The following CYTH2 variants were observed in gnomAD, a reference collection of about 807,000 sequenced individuals.
The protein encoded by CYTH2 is cytohesin 2, also known as cytohesin-2.
CYTH2 carries 24 observed loss-of-function variants against 55.4 expected under a neutral mutation model. The ratio of observed to expected loss-of-function variants is 0.43; its 90% CI spans 0.31 to 0.61. The LOEUF is 0.61. Among genes scored for constraint, CYTH2 ranks in the 20% least tolerant of loss-of-function variants. CYTH2 has a pLI of 0.08. For synonymous variants in CYTH2, 221 were observed against 209.6 expected, an observed-to-expected ratio of 1.05 and a Z score of -0.47; for missense variants, 378 against 533.5, an observed-to-expected ratio of 0.71 and a Z score of 2.87.
At chr19:48,469,857 G>C in intron 1 of CYTH2, 1 of 568,066 alleles carries the variant, frequency 1.8e-6, no homozygotes, top group Non-Finnish European at 3.3e-6. Flanking sequence ...CTTGGGTTGC[G>C]GGGAGGGGAG....
In CYTH2 at chr19:48,470,376, G is replaced by T; in HGVS notation, c.43G>T (p.Glu15Ter). 6.2e-7 allele frequency: 1 copy of T among 1,613,296 alleles called. No homozygotes were observed. Among genetic ancestry groups the T allele is most frequent in the Non-Finnish European group, 8.5e-7 (1 of 1,179,638 alleles). Reference sequence around the variant, plus strand: ...AGAACCCCCAGACCTGACTCCGGAGGAGCGGATGGAGCTGGAGAACATCCG... The same window carrying T: ...AGAACCCCCAGACCTGACTCCGGAGTAGCGGATGGAGCTGGAGAACATCCG... ...VYEPPDLTPE[E>*]RMELENIRRR... The change falls in exon 2 of 12, where the codon GAG (glutamate) becomes TAG (stop). Residue 15 changes from glutamate to a stop codon, truncating the protein, a stop_gained. Transcript: ENST00000452733. LOFTEE classifies it high-confidence loss of function.
Position 48,472,306 on chromosome 19 carries a change from C to T in CYTH2, c.235-19C>T. 1 of 1,612,444 alleles carries T rather than the reference C, an allele frequency of 6.2e-7. No individual in the cohort carries two copies. Among genetic ancestry groups the T allele is most frequent in the African/African-American group, 1.3e-5 (1 of 74,956 alleles). ...GGCTTTCTGGCCCTCAGCACTGAGA[C>T]CTTGTCCCCACCCACCAGGGGATCC... On this transcript the variant is annotated intron_variant, in intron 3 of 11. Coordinates refer to ENST00000452733, the MANE Select transcript of CYTH2 (RefSeq NM_004228.7).
In CYTH2 at chr19:48,478,068, G is replaced by T. The variant is rs1339365648; in HGVS notation, c.809-1G>T. On this transcript the variant is annotated splice_acceptor_variant, in intron 8 of 11. Coordinates refer to ENST00000452733, the MANE Select transcript of CYTH2 (RefSeq NM_004228.7). LOFTEE classifies it high-confidence loss of function. ...GCCCCCTCCCACCCCTTCCCTTTCA[G>T]GGGGCCGGGTGAAGACGTGGAAGCG... 2 of 1,613,832 alleles carry T rather than the reference G, an allele frequency of 1.2e-6. No homozygotes were observed. The highest frequency in any genetic ancestry group is 3.3e-5 in the Admixed American group (2 of 60,010).
At position 48,473,298 on chromosome 19, in the gene CYTH2, G is replaced by A. The variant is rs1971841529; in HGVS notation, c.354G>A (p.Arg118=). 6.2e-7 allele frequency: 1 copy of A among 1,614,006 alleles called. No homozygotes were observed. The highest frequency in any genetic ancestry group is 8.5e-7 in the Non-Finnish European group (1 of 1,179,948). The stretch of plus-strand genomic sequence containing the variant: ...ATGTGTCTTTGTCCCATCCTTCCAG[G>A]GAAGAACTGAACCTGGCAGTGCTCC... ...KTAIGDYLGE[R]EELNLAVLHA... The change falls in exon 5 of 12, where the codon AGG becomes AGA. Residue 118 remains arginine, a splice_region_variant and synonymous_variant. Coordinates refer to ENST00000452733, the MANE Select transcript of CYTH2 (RefSeq NM_004228.7).
At position 48,478,311 on chromosome 19, in the gene CYTH2, C is replaced by G. The variant is rs775487247; in HGVS notation, c.922C>G (p.Leu308Val). ...EPRGIIPLEN[L>V]SIREVDDPRK... Reference sequence around the variant, plus strand: ...CCGAGGAATCATCCCCCTGGAGAATCTGAGCATCCGAGAGGTGGACGACCC... The same window carrying G: ...CCGAGGAATCATCCCCCTGGAGAATGTGAGCATCCGAGAGGTGGACGACCC... Residue 308 changes from leucine to valine, a missense_variant, in exon 10 of 12, where the codon CTG (leucine) becomes GTG (valine). Leu to Val is a conservative substitution (Grantham distance 32, BLOSUM62 1). Coordinates refer to ENST00000452733, the MANE Select transcript of CYTH2 (RefSeq NM_004228.7). 6.2e-7 allele frequency: 1 copy of G among 1,614,056 alleles called. No individual in the cohort carries two copies. The highest frequency in any genetic ancestry group is 8.5e-7 in the Non-Finnish European group (1 of 1,180,006).
At chr19:48,472,507 C>T (rs1370653873) in intron 4 of CYTH2, 64 bp downstream of exon 4, 1 of 1,325,958 alleles carries the variant, frequency 7.5e-7, no homozygotes, top group Non-Finnish European at 1.1e-6. Flanking sequence ...AGCTCCTGCC[C>T]TCACACTGGC....
intron 4 of CYTH2, 72 bp downstream of exon 4, chr19:48,472,515 G>A (rs1451075717): frequency 8.1e-7 from 1 of 1,239,162 alleles, no homozygotes; most frequent in East Asian, 2.6e-5. Flanking sequence ...CCCTCACACT[G>A]GCAGCTCACA....
In CYTH2 at chr19:48,474,747, C is replaced by G; in HGVS notation, c.697-91C>G. 2 of 1,074,038 alleles carry G rather than the reference C, an allele frequency of 1.9e-6. No homozygotes were observed. The highest frequency in any genetic ancestry group is 2.8e-6 in the Non-Finnish European group (2 of 701,964). 66.5% of individuals were successfully genotyped at this position (1,074,038 alleles called of 1,614,324 possible). A position where few individuals can be genotyped will look rare whatever the true frequency, so the allele number is the denominator to read the frequency against. ...CCCCTCTCTCTTCCCCACTATGAGT[C>G]ATCCCATCCCTGGTCTCGCTGCCCC... is the stretch of plus-strand genomic sequence containing the variant. On this transcript the variant is annotated intron_variant, in intron 7 of 11. Coordinates refer to ENST00000452733, the MANE Select transcript of CYTH2 (RefSeq NM_004228.7). The surrounding 1 kb of genome is among the most constrained non-coding windows in gnomAD (Gnocchi z 4.9).
intron 3 of CYTH2, among the ~76,000 whole-genome samples, chr19:48,471,270 G>A (rs929848189): frequency 7.3e-5 from 11 of 151,476 alleles, no homozygotes; most frequent in African/African-American, 2.7e-4. Flanking sequence ...TCCTGCCTCA[G>A]CCTCCCAAGT....
chr19:48,470,247 G>A lies in CYTH2; in HGVS notation c.20-106G>A, dbSNP rs529650133. The stretch of plus-strand genomic sequence containing the variant: ...CAGCCCATTCTTCTGTGCAGACATA[G>A]GAAGCCCCTTACACATCCTCTCCCA... On this transcript the variant is annotated intron_variant, in intron 1 of 11. Coordinates refer to ENST00000452733, the MANE Select transcript of CYTH2 (RefSeq NM_004228.7). 9.8e-5 allele frequency: 144 copies of A among 1,464,242 alleles called. No individual in the cohort carries two copies. The Middle Eastern group carries it at 2.7e-3, about 27-fold the overall frequency. The allele number at this position is 1,464,242 out of a possible 1,614,324, so 90.7% of individuals were successfully genotyped here.
At chr19:48,478,208 G>A in intron 9 of CYTH2, 63 bp downstream of exon 9, 3 of 1,612,526 alleles carry the variant, frequency 1.9e-6, no homozygotes, top group East Asian at 2.2e-5. Context: ...CTGGACTCCT[G>A]GGGCTGAGGG....
chr19:48,470,255 C>G lies in CYTH2; in HGVS notation c.20-98C>G, dbSNP rs1397335030. Reference sequence around the variant, plus strand: ...TCTTCTGTGCAGACATAGGAAGCCCCTTACACATCCTCTCCCAGCTCTGTC... The same window carrying G: ...TCTTCTGTGCAGACATAGGAAGCCCGTTACACATCCTCTCCCAGCTCTGTC... On this transcript the variant is annotated intron_variant, in intron 1 of 11. Coordinates refer to ENST00000452733, the MANE Select transcript of CYTH2 (RefSeq NM_004228.7). 7.3e-6 allele frequency: 11 copies of G among 1,499,020 alleles called. No homozygotes were observed. In the East Asian group the frequency reaches 2.0e-4, roughly 28 times the overall value. The allele number at this position is 1,499,020 out of a possible 1,614,324, so 92.9% of individuals were successfully genotyped here. A position where few individuals can be genotyped will look rare whatever the true frequency, so the allele number is the denominator to read the frequency against.
chr19:48,477,710 G>A (rs1971945087), intron 8 of CYTH2: 1 of 267,210 alleles, frequency 3.7e-6, no homozygotes, highest in Non-Finnish European at 7.2e-6. Context: ...CTCGCTGTCT[G>A]CCCCAGGAGG....
chr19:48,472,815 C>A (rs1971831206), intron 4 of CYTH2: 2 of 363,070 alleles, frequency 5.5e-6, no homozygotes, highest in African/African-American at 2.1e-5. Flanking sequence ...ACCGCTGGGC[C>A]CTTGTGGGAG....
In CYTH2 at chr19:48,481,199, G is replaced by A. The variant is rs981326754; in HGVS notation, c.*1989G>A. ...GGTGGAGAACGTTGGGCCACGCTAG[G>A]AGTCTTGAAAGAGGAGCCAAAAGGA... On this transcript the variant is annotated 3_prime_UTR_variant, in exon 12 of 12. Coordinates refer to ENST00000452733, the MANE Select transcript of CYTH2 (RefSeq NM_004228.7). The A allele has an allele frequency of 6.5e-6, 1 of 153,092 alleles. No homozygotes were observed. Among genetic ancestry groups the A allele is most frequent in the East Asian group, 1.9e-4 (1 of 5,214 alleles). 9.5% of individuals were successfully genotyped at this position (153,092 alleles called of 1,614,324 possible). A position where few individuals can be genotyped will look rare whatever the true frequency, so the allele number is the denominator to read the frequency against.
In CYTH2 at chr19:48,478,416, G is replaced by A. The variant is rs114924764; in HGVS notation, c.958-22G>A. ...CTGCCCAGGGCTGGTTCTTACCTGC[G>A]CCCTTCCTCTCTCGTCCCCAGAACT... On this transcript the variant is annotated intron_variant, in intron 10 of 11. Coordinates refer to ENST00000452733, the MANE Select transcript of CYTH2 (RefSeq NM_004228.7). 1.3e-3 allele frequency: 2,027 copies of A among 1,613,166 alleles called. 20 individuals are homozygous for A. In the African/African-American group the frequency reaches 0.022, roughly 17 times the overall value.
intron 4 of CYTH2, chr19:48,472,692 C>T (rs1378894892): frequency 9.2e-6 from 5 of 546,054 alleles, no homozygotes; most frequent in Non-Finnish European, 1.7e-5. Context: ...GGGAAGCATC[C>T]ATTTATGTCT....
intron 4 of CYTH2, chr19:48,472,998 G>C: frequency 2.7e-6 from 1 of 374,394 alleles, no homozygotes; most frequent in Non-Finnish European, 5.0e-6. Flanking sequence ...TACCTGGGGA[G>C]CATGGGGATC....
At position 48,477,906 on chromosome 19, in the gene CYTH2, C is replaced by T. The variant is rs559584598; in HGVS notation, c.809-163C>T. ...GGGTGGACGATTCCTGGAGCCCCAA[C>T]ATGCCTGGCCCTGCTTGTCTGTCTC... On this transcript the variant is annotated intron_variant, in intron 8 of 11. Transcript: ENST00000452733. 220 of 590,588 alleles carry T rather than the reference C, an allele frequency of 3.7e-4. 1 individual carries two copies. The highest frequency in any genetic ancestry group is 3.7e-3 in the African/African-American group (200 of 53,790). 36.6% of individuals were successfully genotyped at this position (590,588 alleles called of 1,614,324 possible).
Sources: allele counts gnomAD v4.1 joint callset (sites outside exome capture counted in the v4.1 genomes callset), GRCh38; gene constraint gnomAD v4.1.1; non-coding constraint Gnocchi (gnomAD v3.1); transcripts MANE v1.5; gene names NCBI Gene and HGNC (gene_info 2026-07-23, HGNC 2026-07-21).